The following RGS7 variants were observed in gnomAD, a reference collection of about 807,000 sequenced individuals.
RGS7 encodes regulator of G protein signaling 7, also known as regulator of G-protein signaling 7.
A neutral mutation model predicts 81.1 loss-of-function variants in RGS7; 27 were observed. The ratio of observed to expected loss-of-function variants is 0.33; its 90% CI spans 0.25 to 0.46. RGS7 has a LOEUF of 0.46. RGS7 is among the 20% of genes least tolerant of loss of function. The probability of loss-of-function intolerance (pLI) is 1.00; values close to 1 mark genes in which losing one functional copy is unlikely to be tolerated. For missense variants in RGS7, 396 were observed against 607.4 expected, an observed-to-expected ratio of 0.65 and a Z score of 3.66; for synonymous variants, 208 against 207.7, an observed-to-expected ratio of 1.00 and a Z score of -0.01.
intron 2 of RGS7, among the ~76,000 whole-genome samples, chr1:241,295,999 G>A (rs72760578): frequency 0.15 from 22,841 of 152,226 alleles, 2,228 homozygotes; most frequent in Middle Eastern, 0.25. Flanking sequence ...AATATGTGCA[G>A]CTTATTTCGA....
intron 3 of RGS7, among the ~76,000 whole-genome samples, chr1:241,007,120 T>C (rs1430767854): frequency 6.6e-6 from 1 of 152,134 alleles, no homozygotes; most frequent in Non-Finnish European, 1.5e-5. Flanking sequence ...TTTCACCATG[T>C]TGGCCAGGCC....
chr1:241,286,142 A>G (rs1455648729), intron 2 of RGS7, among the ~76,000 whole-genome samples: 3 of 152,272 alleles, frequency 2.0e-5, no homozygotes, highest in Non-Finnish European at 4.4e-5. Context: ...CTCAGCCTTT[A>G]GCCCAAGTCA....
intron 4 of RGS7, among the ~76,000 whole-genome samples, chr1:240,974,511 T>C (rs1347756348): frequency 6.6e-6 from 1 of 152,234 alleles, no homozygotes; most frequent in East Asian, 1.9e-4. Context: ...GCACTTCATT[T>C]GATGGCTGGA....
intron 3 of RGS7, among the ~76,000 whole-genome samples, chr1:241,088,166 G>A (rs2063592046): frequency 6.6e-6 from 1 of 151,434 alleles, no homozygotes; most frequent in Admixed American, 6.6e-5. Context: ...ATTTTAGATG[G>A]AGGAAAAAAC....
At chr1:241,238,868 G>A (rs1051067545) in intron 2 of RGS7, among the ~76,000 whole-genome samples, 17 of 151,796 alleles carry the variant, frequency 1.1e-4, no homozygotes, top group African/African-American at 4.1e-4. Flanking sequence ...TGACACTAAA[G>A]AGCCTGATGA....
chr1:241,261,102 C>CAA (rs1390067182), intron 2 of RGS7, among the ~76,000 whole-genome samples: 3 of 151,746 alleles, frequency 2.0e-5, no homozygotes, highest in African/African-American at 7.3e-5. Flanking sequence ...CAAAACAAAA[C>CAA]AAACAAAAAA....
chr1:241,150,674 G>A (rs1572898565), intron 2 of RGS7, among the ~76,000 whole-genome samples: 2 of 152,320 alleles, frequency 1.3e-5, no homozygotes, highest in East Asian at 3.9e-4. Context: ...GTTCTCCAAA[G>A]AGACTGAATC....
At chr1:240,944,250 G>A (rs1347337474) in intron 4 of RGS7, among the ~76,000 whole-genome samples, 3 of 126,720 alleles carry the variant, frequency 2.4e-5, no homozygotes, top group Non-Finnish European at 4.8e-5. Context: ...ACAAGATTCT[G>A]TTATATTATA....
At chr1:241,172,443 A>G (rs2070801022) in intron 2 of RGS7, among the ~76,000 whole-genome samples, 1 of 152,338 alleles carries the variant, frequency 6.6e-6, no homozygotes, top group African/African-American at 2.4e-5. Context: ...TCCATTAGCT[A>G]ACAGGACTAG....
chr1:241,158,004 T>C (rs2069320390), intron 2 of RGS7, among the ~76,000 whole-genome samples: 1 of 151,322 alleles, frequency 6.6e-6, no homozygotes, highest in Non-Finnish European at 1.5e-5. Flanking sequence ...TAATTTTTAG[T>C]AGAGACAGGG....
At chr1:241,325,367 C>A (rs1164524851) in intron 2 of RGS7, among the ~76,000 whole-genome samples, 4 of 152,154 alleles carry the variant, frequency 2.6e-5, no homozygotes, top group Non-Finnish European at 4.4e-5. Context: ...AACTCATAGG[C>A]CAGGTACTAT....
At chr1:241,212,070 A>C (rs1424155583) in intron 2 of RGS7, among the ~76,000 whole-genome samples, 1 of 151,578 alleles carries the variant, frequency 6.6e-6, no homozygotes, top group Non-Finnish European at 1.5e-5. Flanking sequence ...GTATTCATTT[A>C]TTATACATGT....
intron 12 of RGS7, among the ~76,000 whole-genome samples, chr1:240,813,999 G>C (rs1690349456): frequency 6.6e-6 from 1 of 152,154 alleles, no homozygotes; most frequent in African/African-American, 2.4e-5. Flanking sequence ...CTATGGAAGA[G>C]GTCAGTGTGT....
At chr1:241,011,257 CA>C (rs2148662071) in intron 3 of RGS7, among the ~76,000 whole-genome samples, 1 of 152,228 alleles carries the variant, frequency 6.6e-6, no homozygotes, top group South Asian at 2.1e-4. Context: ...CATATTCTTC[CA>C]GGATGGGCTT....
chr1:241,223,827 T>C (rs2075152742), intron 2 of RGS7, among the ~76,000 whole-genome samples: 1 of 151,956 alleles, frequency 6.6e-6, no homozygotes, highest in Non-Finnish European at 1.5e-5. Context: ...GTTCTGTAAA[T>C]GCGTATAAAA....
At chr1:241,300,822 T>G (rs1312051840) in intron 2 of RGS7, among the ~76,000 whole-genome samples, 2 of 152,270 alleles carry the variant, frequency 1.3e-5, no homozygotes, top group Non-Finnish European at 2.9e-5. Flanking sequence ...TTTACTTTTG[T>G]AAGAAACTGC....
chr1:240,925,416 C>T (rs562514570), intron 6 of RGS7, among the ~76,000 whole-genome samples: 46 of 152,186 alleles, frequency 3.0e-4, no homozygotes, highest in African/African-American at 1.0e-3. Context: ...CTTGGGATAA[C>T]AGCCTCCAGC....
At chr1:241,113,951 CTT>C (rs1330486325) in intron 2 of RGS7, among the ~76,000 whole-genome samples, 1 of 152,160 alleles carries the variant, frequency 6.6e-6, no homozygotes, top group East Asian at 1.9e-4. Context: ...GTGTACATGT[CTT>C]ATTTCTTTTG....
intron 3 of RGS7, among the ~76,000 whole-genome samples, chr1:241,010,770 G>A (rs537924494): frequency 3.9e-5 from 6 of 152,196 alleles, no homozygotes; most frequent in East Asian, 1.9e-4. Flanking sequence ...TCAATGGGTC[G>A]CGTCTGGGAA....
Sources: allele counts gnomAD v4.1 joint callset (sites outside exome capture counted in the v4.1 genomes callset), GRCh38; gene constraint gnomAD v4.1.1; transcripts MANE v1.5; gene names NCBI Gene and HGNC (gene_info 2026-07-23, HGNC 2026-07-21).